EYA4: variants seen among roughly 807,000 people sequenced by gnomAD.
EYA4 encodes the protein EYA transcriptional coactivator and phosphatase 4, also known as protein phosphatase EYA4.
A neutral mutation model predicts 87.9 loss-of-function variants in EYA4; 31 were observed. The ratio of observed to expected loss-of-function variants is 0.35; its 90% CI spans 0.27 to 0.48. The LOEUF (loss-of-function observed/expected upper bound fraction) is 0.48. EYA4 is among the 20% of genes least tolerant of loss of function. The pLI, the probability that EYA4 is intolerant of heterozygous loss-of-function variation, is 0.99. For missense variants in EYA4, 678 were observed against 761.4 expected (o/e 0.89, Z 1.29); for synonymous variants, 263 against 270.6 (o/e 0.97, Z 0.28).
chr6:133,242,602 C>CGT (rs910340447), intron 1 of EYA4, among the ~76,000 whole-genome samples: 4 of 152,144 alleles, frequency 2.6e-5, no homozygotes, highest in Non-Finnish European at 4.4e-5. Flanking sequence ...TGGAAGTAGA[C>CGT]GTGTGTGTGC....
At chr6:133,389,638 C>T (rs149023258) in intron 3 of EYA4, among the ~76,000 whole-genome samples, 1 of 152,338 alleles carries the variant, frequency 6.6e-6, no homozygotes, top group East Asian at 1.9e-4. Context: ...GCCATCTCAG[C>T]TCCACTTGTG....
chr6:133,339,977 A>T (rs1439793482), intron 2 of EYA4, among the ~76,000 whole-genome samples: 2 of 152,168 alleles, frequency 1.3e-5, no homozygotes, highest in Non-Finnish European at 2.9e-5. Flanking sequence ...AAAAACAACA[A>T]GTAGGTTTGG....
chr6:133,436,437 A>AT (rs1173833014), intron 3 of EYA4, among the ~76,000 whole-genome samples: 6 of 152,092 alleles, frequency 3.9e-5, no homozygotes, highest in African/African-American at 1.4e-4. Flanking sequence ...CTTTATCTAC[A>AT]TTTTTTTCTA....
At position 133,523,146 on chromosome 6, in the gene EYA4, C is replaced by A. The variant is rs1197553602; in HGVS notation, c.1707C>A (p.Pro569=). The change falls in exon 18 of 20, where the codon CCC becomes CCA. Residue 569 remains proline, a synonymous_variant. Coordinates refer to ENST00000355286, the MANE Select transcript of EYA4 (RefSeq NM_004100.5). ...TCTATAGTTTAGGAGGTGCTTTCCC[C>A]ATTGAGAATATTTACAGTGCAACTA... ...VLLYSLGGAF[P]IENIYSATKI... is the part of the protein sequence containing the mutation. 5 of 1,612,152 alleles carry A rather than the reference C, an allele frequency of 3.1e-6. No homozygotes were observed. In the African/African-American group the frequency reaches 5.3e-5, roughly 17 times the overall value.
At chr6:133,506,008 CTT>C in intron 13 of EYA4, 96 bp from the exon 14 acceptor site, 1 of 788,238 alleles carries the variant, frequency 1.3e-6, no homozygotes, top group Non-Finnish European at 2.3e-6. Flanking sequence ...CCCATGCAGT[CTT>C]CTCCCTCTTC....
At chr6:133,411,941 T>C (rs2128542357) in intron 3 of EYA4, among the ~76,000 whole-genome samples, 1 of 152,348 alleles carries the variant, frequency 6.6e-6, no homozygotes, top group East Asian at 1.9e-4. Flanking sequence ...CATTGAAAAG[T>C]CAAAGCCAGC....
At chr6:133,259,052 G>T (rs535109811) in intron 1 of EYA4, among the ~76,000 whole-genome samples, 1 of 151,984 alleles carries the variant, frequency 6.6e-6, no homozygotes, top group Non-Finnish European at 1.5e-5. Context: ...ATATTAATAC[G>T]TCAATTTATA....
chr6:133,449,593 G>T (rs1464041189), intron 5 of EYA4, among the ~76,000 whole-genome samples: 1 of 152,136 alleles, frequency 6.6e-6, no homozygotes, highest in South Asian at 2.1e-4. Flanking sequence ...GGCCACTGTG[G>T]ATCTGGATCT....
chr6:133,344,621 G>C (rs1783058259), intron 2 of EYA4, among the ~76,000 whole-genome samples: 1 of 151,798 alleles, frequency 6.6e-6, no homozygotes, highest in African/African-American at 2.4e-5. Context: ...TAAATGAGCT[G>C]GCATTTGAAA....
At chr6:133,253,356 A>C (rs1355145616) in intron 1 of EYA4, among the ~76,000 whole-genome samples, 1 of 152,102 alleles carries the variant, frequency 6.6e-6, no homozygotes, top group African/African-American at 2.4e-5. Flanking sequence ...GTAGCCCTTT[A>C]GTTACTGGAG....
At position 133,502,429 on chromosome 6, in the gene EYA4, C is replaced by G. The variant is rs56655514; in HGVS notation, c.1192-3677C>G. On this transcript the variant is annotated intron_variant, in intron 13 of 19. Coordinates refer to ENST00000355286, the MANE Select transcript of EYA4 (RefSeq NM_004100.5). ...ATCTAATGAAAATGAGCAAACATCT[C>G]TGTATAAAACTTGGGTTCAATCCAG... 52 of 152,318 alleles carry G rather than the reference C, an allele frequency of 3.4e-4. 1 individual carries two copies. Among genetic ancestry groups the G allele is most frequent in the African/African-American group, 1.2e-3 (51 of 41,582 alleles). 9.4% of individuals were successfully genotyped at this position (152,318 alleles called of 1,614,324 possible).
At chr6:133,298,578 A>G (rs952538954) in intron 2 of EYA4, among the ~76,000 whole-genome samples, 1 of 152,132 alleles carries the variant, frequency 6.6e-6, no homozygotes, top group Non-Finnish European at 1.5e-5. Context: ...CAGTTTTTCG[A>G]TGTACTTTTG....
chr6:133,337,732 G>A (rs569752551), intron 2 of EYA4, among the ~76,000 whole-genome samples: 2 of 152,076 alleles, frequency 1.3e-5, no homozygotes, highest in African/African-American at 2.4e-5. Context: ...TAATTGCAAC[G>A]TTGTAAAAAA....
At chr6:133,504,643 C>T (rs998257893) in intron 13 of EYA4, among the ~76,000 whole-genome samples, 1 of 152,110 alleles carries the variant, frequency 6.6e-6, no homozygotes, top group African/African-American at 2.4e-5. Context: ...GATGACATCT[C>T]AAATATGTTT....
At chr6:133,487,715 A>T (rs1796799374) in intron 13 of EYA4, among the ~76,000 whole-genome samples, 1 of 152,146 alleles carries the variant, frequency 6.6e-6, no homozygotes, top group South Asian at 2.1e-4. Flanking sequence ...GGCCCTGAAT[A>T]ATCAACAGTA....
intron 13 of EYA4, among the ~76,000 whole-genome samples, chr6:133,494,375 CAG>C (rs1270692689): frequency 1.3e-5 from 2 of 151,996 alleles, no homozygotes; most frequent in African/African-American, 4.8e-5. Flanking sequence ...CTAATGGTGA[CAG>C]AGTAGAACAA....
intron 17 of EYA4, among the ~76,000 whole-genome samples, chr6:133,519,384 A>T (rs1799899753): frequency 6.6e-6 from 1 of 151,152 alleles, no homozygotes; most frequent in Non-Finnish European, 1.5e-5. Flanking sequence ...CAAATAAACT[A>T]GAAAATCTAG....
intron 2 of EYA4, among the ~76,000 whole-genome samples, chr6:133,367,981 A>T (rs568801609): frequency 6.6e-6 from 1 of 152,290 alleles, no homozygotes; most frequent in Non-Finnish European, 1.5e-5. Flanking sequence ...CCCAGGTCAC[A>T]TAATTAATTG....
At chr6:133,421,928 A>C (rs1274382947) in intron 3 of EYA4, among the ~76,000 whole-genome samples, 1 of 152,224 alleles carries the variant, frequency 6.6e-6, no homozygotes, top group Non-Finnish European at 1.5e-5. Context: ...GGGGTTTTGA[A>C]GATATGATAT....
Sources: allele counts gnomAD v4.1 joint callset (sites outside exome capture counted in the v4.1 genomes callset), GRCh38; gene constraint gnomAD v4.1.1; transcripts MANE v1.5; gene names NCBI Gene and HGNC (gene_info 2026-07-23, HGNC 2026-07-21).